GOLM1: variants seen among roughly 807,000 people sequenced by gnomAD.
GOLM1 encodes epididymis luminal protein 46.
In GOLM1, 31 loss-of-function variants were observed where a neutral mutation model predicts 50.5. The ratio of observed to expected loss-of-function variants is 0.61; its 90% CI spans 0.46 to 0.83. The LOEUF (loss-of-function observed/expected upper bound fraction) is 0.83. GOLM1 is among the 40% of genes least tolerant of loss of function. The pLI is 0.00. For synonymous variants in GOLM1, 178 were observed against 192.8 expected, an observed-to-expected ratio of 0.92 and a Z score of 0.64; for missense variants, 491 against 501.3, an observed-to-expected ratio of 0.98 and a Z score of 0.20.
chr9:86,037,453 A>AG (rs1445926210), intron 6 of GOLM1, among the ~76,000 whole-genome samples: 1 of 151,778 alleles, frequency 6.6e-6, no homozygotes, highest in East Asian at 1.9e-4. Flanking sequence ...AAAAAAAAAA[A>AG]AAAAAGAAAA....
intron 3 of GOLM1, among the ~76,000 whole-genome samples, chr9:86,060,895 A>ATC (rs1563959975): frequency 7.3e-6 from 1 of 137,832 alleles, no homozygotes; most frequent in African/African-American, 2.9e-5. Flanking sequence ...AAAAAAAAAA[A>ATC]AAAAAAAAAA....
rs1832813713 is a variant in GOLM1 at position 86,027,264 on chromosome 9, T to A, written c.*553A>T. 1 of 985,408 alleles carries A rather than the reference T, an allele frequency of 1.0e-6. No individual in the cohort carries two copies. The highest frequency in any genetic ancestry group is 1.2e-6 in the Non-Finnish European group (1 of 829,980). 61.0% of individuals were successfully genotyped at this position (985,408 alleles called of 1,614,324 possible). A position where few individuals can be genotyped will look rare whatever the true frequency, so the allele number is the denominator to read the frequency against. ...ATTTAGACTTAAAGCTGTTGCTACT[T>A]TGCTAGTGACGTTTGTGTTAACAGT... On this transcript the variant is annotated 3_prime_UTR_variant, in exon 10 of 10. Coordinates refer to ENST00000388712, the MANE Select transcript of GOLM1 (RefSeq NM_016548.4).
chr9:86,098,363 AATACTAAAACTGAGATTTG>A (rs1487076650), intron 1 of GOLM1, among the ~76,000 whole-genome samples: 1 of 152,212 alleles, frequency 6.6e-6, no homozygotes, highest in African/African-American at 2.4e-5. Flanking sequence ...AAAATTCAGA[AATACTAAAACTGAGATTTG>A]AGCCAACCTG....
rs1381455040 is a variant in GOLM1, at chr9:86,031,191, C to CA, written c.1129+2090dup. Among the ~76,000 whole-genome samples, 5 of 151,256 alleles carry CA rather than the reference C, an allele frequency of 3.3e-5. No homozygotes were observed. In the South Asian group the frequency reaches 1.0e-3, roughly 32 times the overall value. On this transcript the variant is annotated intron_variant, in intron 9 of 9. Coordinates refer to ENST00000388712, the MANE Select transcript of GOLM1 (RefSeq NM_016548.4). ...CACTACTGCACTCCAGCCTGGGCAACAGAGTGAGACTCCATCTGAGGAAGA... is the reference window on the plus strand; with the variant it reads ...CACTACTGCACTCCAGCCTGGGCAACAAGAGTGAGACTCCATCTGAGGAAGA...
chr9:86,082,063 C>A (rs1267719050), intron 1 of GOLM1, among the ~76,000 whole-genome samples: 1 of 109,708 alleles, frequency 9.1e-6, no homozygotes, highest in African/African-American at 3.6e-5. Flanking sequence ...GAGTCTCTCT[C>A]TGTTGCCCAG....
chr9:86,027,782 C>T lies in GOLM1; in HGVS notation c.*35G>A, dbSNP rs754933656. 38 of 1,604,422 alleles carry T rather than the reference C, an allele frequency of 2.4e-5. No individual in the cohort carries two copies. The highest frequency in any genetic ancestry group is 1.8e-4 in the East Asian group (8 of 44,784). ...CATGAACATTTTATAGTCATCTCTT[C>T]GGCCCTGTTGTGAAATATGTGATTC... On this transcript the variant is annotated 3_prime_UTR_variant, in exon 10 of 10. Coordinates refer to ENST00000388712, the MANE Select transcript of GOLM1 (RefSeq NM_016548.4).
chr9:86,098,033 C>T (rs1439561977), intron 1 of GOLM1, among the ~76,000 whole-genome samples: 1 of 152,148 alleles, frequency 6.6e-6, no homozygotes, highest in African/African-American at 2.4e-5. Context: ...CTCAGCACTA[C>T]TTTCCTCTCA....
intron 3 of GOLM1, 34 bp from the exon 4 acceptor site, chr9:86,052,625 AACCAAC>A (rs1341886066): frequency 2.0e-5 from 32 of 1,584,772 alleles, no homozygotes; most frequent in Non-Finnish European, 2.6e-5. Context: ...GAAACACCCA[AACCAAC>A]ACCTCAGCCT....
Position 86,079,175 on chromosome 9 carries a change from TAAAG to T in GOLM1, c.129+13_129+16del. On this transcript the variant is annotated intron_variant, in intron 2 of 9. Coordinates refer to ENST00000388712, the MANE Select transcript of GOLM1 (RefSeq NM_016548.4). ...CATAAACATAAAATAAACATAACAATAAAGAAAACAAAACACCTGGAGGTCCACG... is the reference window on the plus strand; with the variant it reads ...CATAAACATAAAATAAACATAACAATAAAACAAAACACCTGGAGGTCCACG... 2 of 1,510,804 alleles carry T rather than the reference TAAAG, an allele frequency of 1.3e-6. No individual in the cohort carries two copies. Among genetic ancestry groups the T allele is most frequent in the South Asian group, 1.3e-5 (1 of 79,596 alleles). 93.6% of individuals were successfully genotyped at this position (1,510,804 alleles called of 1,614,324 possible).
At chr9:86,065,928 T>C (rs754079390) in intron 3 of GOLM1, among the ~76,000 whole-genome samples, 11 of 152,004 alleles carry the variant, frequency 7.2e-5, no homozygotes, top group Middle Eastern at 3.2e-3. Flanking sequence ...TAATCCCAGC[T>C]ACTCGGGAGG....
Position 86,026,351 on chromosome 9 carries a change from C to CT in GOLM1, c.*1465dup. 1.0e-6 allele frequency: 1 copy of CT among 985,182 alleles called. No homozygotes were observed. The allele number at this position is 985,182 out of a possible 1,614,324, so 61.0% of individuals were successfully genotyped here. On this transcript the variant is annotated 3_prime_UTR_variant, in exon 10 of 10. Coordinates refer to ENST00000388712, the MANE Select transcript of GOLM1 (RefSeq NM_016548.4). ...CCTTTTCTGGGTGGGAAAGTTTAACCTTAGTGACTAAGGACATCACATATG... is the reference window on the plus strand; with the variant it reads ...CCTTTTCTGGGTGGGAAAGTTTAACCTTTAGTGACTAAGGACATCACATATG...
chr9:86,077,421 C>T lies in GOLM1; in HGVS notation c.300G>A (p.Gln100=), dbSNP rs3750390. 0.031 allele frequency: 50,479 copies of T among 1,613,908 alleles called. 5,658 individuals carry two copies. In the East Asian group the frequency reaches 0.45, roughly 14 times the overall value. The change falls in exon 3 of 10, where the codon CAG becomes CAA. Residue 100 remains glutamine (Q), a synonymous_variant. Coordinates refer to ENST00000388712, the MANE Select transcript of GOLM1 (RefSeq NM_016548.4). ...FQLESVNKLY[Q]DEKAVLVNNI... ...ACAAAGCAGGCCTTGCCTTTTCGTC[C>T]TGGTACAGCTTGTTGACGCTCTCCA...
chr9:86,035,431 G>T lies in GOLM1; in HGVS notation c.952C>A (p.Pro318Thr). ...VSQENPEMEG[P>T]ERDQLVIPDG... ...GGGATGACAAGCTGGTCTCGCTCAGGGCCCTCCATCTCTGGATTTTCCTGG... is the reference window on the plus strand; with the variant it reads ...GGGATGACAAGCTGGTCTCGCTCAGTGCCCTCCATCTCTGGATTTTCCTGG... The change falls in exon 8 of 10, where the codon CCT becomes ACT. Residue 318 changes from proline to threonine, a missense_variant. Physicochemically the swap from Pro to Thr is conservative, Grantham distance 38 (BLOSUM62 -1). Coordinates refer to ENST00000388712, the MANE Select transcript of GOLM1 (RefSeq NM_016548.4). 6.2e-7 allele frequency: 1 copy of T among 1,613,842 alleles called. No individual in the cohort carries two copies. Among genetic ancestry groups the T allele is most frequent in the Non-Finnish European group, 8.5e-7 (1 of 1,179,990 alleles).
intron 2 of GOLM1, 195 bp from the exon 3 acceptor site, chr9:86,077,786 G>C (rs1307719857): frequency 9.0e-6 from 5 of 555,604 alleles, no homozygotes; most frequent in African/African-American, 5.6e-5. Context: ...GTCTCTGTCA[G>C]TGTAAGTGAA....
intron 3 of GOLM1, among the ~76,000 whole-genome samples, chr9:86,053,236 TACC>T (rs1310097239): frequency 1.3e-4 from 6 of 45,740 alleles, no homozygotes; most frequent in Non-Finnish European, 2.6e-4. Context: ...ACACCACACA[TACC>T]ACGCCATATG....
At chr9:86,039,642 C>T (rs988309663) in intron 6 of GOLM1, among the ~76,000 whole-genome samples, 13 of 152,166 alleles carry the variant, frequency 8.5e-5, no homozygotes, top group African/African-American at 2.4e-4. Context: ...GCTGCAACCC[C>T]GATGAGCCCT....
intron 3 of GOLM1, among the ~76,000 whole-genome samples, chr9:86,071,078 T>TACACACACACACACACACACAC (rs58612344): frequency 2.4e-4 from 35 of 148,340 alleles, no homozygotes; most frequent in Admixed American, 8.0e-4. Context: ...TATATACATG[T>TACACACACACACACACACACAC]ACACACACAC....
intron 3 of GOLM1, among the ~76,000 whole-genome samples, chr9:86,063,343 TG>T (rs1312287031): frequency 1.3e-5 from 2 of 152,168 alleles, no homozygotes; most frequent in Non-Finnish European, 2.9e-5. Flanking sequence ...CTGAGGGCAC[TG>T]GGGGTTTCCA....
rs959748912 is a variant in GOLM1 at position 86,077,664 on chromosome 9, C to A, written c.130-73G>T. The A allele has an allele frequency of 2.0e-5, 21 of 1,056,848 alleles. No individual in the cohort carries two copies. In the Admixed American group the frequency reaches 2.2e-4, roughly 11 times the overall value. 65.5% of individuals were successfully genotyped at this position (1,056,848 alleles called of 1,614,324 possible). The stretch of plus-strand genomic sequence containing the variant: ...GCCTGGACCACCTGAGCGCCCTCCA[C>A]AAAGACCACCTTGGGGCCCAGGGCC... On this transcript the variant is annotated intron_variant, in intron 2 of 9. Transcript: ENST00000388712.
Sources: allele counts gnomAD v4.1 joint callset (sites outside exome capture counted in the v4.1 genomes callset), GRCh38; gene constraint gnomAD v4.1.1; transcripts MANE v1.5; gene names NCBI Gene and HGNC (gene_info 2026-07-23, HGNC 2026-07-21).